HTR2C: variants seen among roughly 807,000 people sequenced by gnomAD.
HTR2C encodes the protein 5-hydroxytryptamine receptor 2C.
Under a neutral mutation model 21.0 loss-of-function variants are expected in HTR2C, and 5 were observed. That is an observed-to-expected ratio of 0.24 (90% CI 0.12 to 0.50). HTR2C has a LOEUF of 0.50. Ranked by LOEUF, HTR2C falls within the 20% of genes least tolerant of loss-of-function variation. HTR2C has a pLI of 0.98. For missense variants in HTR2C, 271 were observed against 371.2 expected, an observed-to-expected ratio of 0.73 and a Z score of 2.22; for synonymous variants, 150 against 145.3, an observed-to-expected ratio of 1.03 and a Z score of -0.23.
chrX:114,733,541 T>G (rs781789132), intron 4 of HTR2C, among the ~76,000 whole-genome samples: 3 of 107,681 alleles, frequency 2.8e-5, no homozygotes, highest in African/African-American at 1.0e-4. Context: ...AAAGCAGCCT[T>G]GGAAAATTAA....
intron 2 of HTR2C, among the ~76,000 whole-genome samples, chrX:114,619,683 G>T (rs1252800016): frequency 9.0e-6 from 1 of 110,623 alleles, no homozygotes. Context: ...TTTTTTCTGG[G>T]ATCAGGGAAG....
At chrX:114,806,080 T>TATATACACC (rs2070425145) in intron 4 of HTR2C, among the ~76,000 whole-genome samples, 2 of 101,095 alleles carry the variant, frequency 2.0e-5, no homozygotes, top group African/African-American at 3.6e-5. Context: ...ATATACACCA[T>TATATACACC]ATATATACCA....
At chrX:114,648,684 T>G (rs1266543805) in intron 2 of HTR2C, among the ~76,000 whole-genome samples, 2 of 111,786 alleles carry the variant, frequency 1.8e-5, no homozygotes, top group East Asian at 5.6e-4. Flanking sequence ...GCCATGATTG[T>G]GCCACTGCGC....
Position 114,663,208 on chromosome X carries a change from A to C in HTR2C, c.-80+49327A>C, listed in dbSNP as rs150580831. On this transcript the variant is annotated intron_variant, in intron 2 of 5. Coordinates refer to ENST00000276198, the MANE Select transcript of HTR2C (RefSeq NM_000868.4). ...AGTACCTAGAACTGTACTGATTCTT[A>C]ATCAGTAGTCAACAATTGCCTATAG... Among the ~76,000 whole-genome samples the C allele has an allele frequency of 3.5e-3, 391 of 110,394 alleles. 2 individuals are homozygous for C. The highest frequency in any genetic ancestry group is 0.012 in the African/African-American group (377 of 30,437).
intron 4 of HTR2C, among the ~76,000 whole-genome samples, chrX:114,819,032 T>C: frequency 8.9e-6 from 1 of 111,988 alleles, no homozygotes; most frequent in African/African-American, 3.2e-5. Context: ...GACCACATAA[T>C]ACTCCTCACT....
chrX:114,791,108 C>T (rs1161944955), intron 4 of HTR2C, among the ~76,000 whole-genome samples: 1 of 112,581 alleles, frequency 8.9e-6, no homozygotes, highest in African/African-American at 3.2e-5. Flanking sequence ...GGCTTTCTGA[C>T]CATGCCAATT....
At chrX:114,849,409 A>G (rs782660768) in intron 5 of HTR2C, among the ~76,000 whole-genome samples, 6 of 112,663 alleles carry the variant, frequency 5.3e-5, no homozygotes, top group African/African-American at 1.9e-4. Context: ...TAAGAAGCTA[A>G]TGAAATAGAA....
intron 4 of HTR2C, among the ~76,000 whole-genome samples, chrX:114,843,138 C>G (rs1453289083): frequency 9.0e-6 from 1 of 111,286 alleles, no homozygotes; most frequent in Non-Finnish European, 1.9e-5. Context: ...ATGAGGAAGC[C>G]CAAGCATTGG....
chrX:114,881,568 T>C (rs1161814584), intron 5 of HTR2C, among the ~76,000 whole-genome samples: 1 of 109,659 alleles, frequency 9.1e-6, no homozygotes, highest in Admixed American at 9.7e-5. Context: ...TGGTATTCAG[T>C]TATCCTAGCA....
At position 114,596,928 on chromosome X, in the gene HTR2C, A is replaced by AT. The variant is rs201897367; in HGVS notation, c.-147+12275dup. 9.0e-3 allele frequency among the ~76,000 whole-genome samples: 1,001 copies of AT among 111,181 alleles called. 13 individuals carry two copies. Among genetic ancestry groups the AT allele is most frequent in the African/African-American group, 0.03 (931 of 30,548 alleles). ...ACATCATCATCATCATTTAAGAAAT[A>AT]TTTTTTGTGTCGGCCATGGTGGCTC... is the stretch of plus-strand genomic sequence containing the variant. On this transcript the variant is annotated intron_variant, in intron 1 of 5. Transcript: ENST00000276198.
intron 5 of HTR2C, among the ~76,000 whole-genome samples, chrX:114,890,023 AG>A (rs1234683148): frequency 4.5e-5 from 5 of 111,762 alleles, no homozygotes; most frequent in Non-Finnish European, 9.4e-5. Flanking sequence ...TTTTATAGAG[AG>A]GCAAATTTTT....
intron 5 of HTR2C, among the ~76,000 whole-genome samples, chrX:114,862,798 T>C (rs937050984): frequency 1.8e-5 from 2 of 111,052 alleles, no homozygotes; most frequent in Non-Finnish European, 3.8e-5. Flanking sequence ...TTTTAAAATA[T>C]ACAATAGGTT....
At chrX:114,585,878 C>A (rs782430489) in intron 1 of HTR2C, among the ~76,000 whole-genome samples, 10 of 108,871 alleles carry the variant, frequency 9.2e-5, no homozygotes, top group South Asian at 8.3e-4. Context: ...GCAGGCTAAC[C>A]GAGGGACGCT....
intron 4 of HTR2C, among the ~76,000 whole-genome samples, chrX:114,777,589 G>T (rs1213977215): frequency 9.0e-6 from 1 of 111,298 alleles, no homozygotes; most frequent in African/African-American, 3.3e-5. Flanking sequence ...ACAGAGTTTT[G>T]CTCTGTCACC....
intron 5 of HTR2C, among the ~76,000 whole-genome samples, chrX:114,882,154 T>G (rs1452136435): frequency 9.0e-6 from 1 of 110,913 alleles, no homozygotes; most frequent in Non-Finnish European, 1.9e-5. Flanking sequence ...GGATTGTTCA[T>G]TGCAAGTGTA....
intron 5 of HTR2C, among the ~76,000 whole-genome samples, chrX:114,902,126 G>A (rs147033637): frequency 3.6e-5 from 4 of 111,925 alleles, no homozygotes; most frequent in East Asian, 5.6e-4. Flanking sequence ...CAAATAACAT[G>A]TGCCTTGCGG....
At chrX:114,839,039 A>G (rs1320425491) in intron 4 of HTR2C, among the ~76,000 whole-genome samples, 1 of 112,402 alleles carries the variant, frequency 8.9e-6, no homozygotes, top group Non-Finnish European at 1.9e-5. Flanking sequence ...TGAGGGAGTT[A>G]TAGGAAAATG....
At chrX:114,684,531 A>C (rs1569483820) in intron 2 of HTR2C, among the ~76,000 whole-genome samples, 2 of 111,722 alleles carry the variant, frequency 1.8e-5, no homozygotes, top group African/African-American at 6.5e-5. Flanking sequence ...ACAGCCTTAA[A>C]TTTTTTAGGT....
At chrX:114,613,117 T>G (rs1441039007) in intron 1 of HTR2C, among the ~76,000 whole-genome samples, 1 of 109,617 alleles carries the variant, frequency 9.1e-6, no homozygotes, top group East Asian at 2.9e-4. Context: ...TTTGTATTTT[T>G]TAGTAGAGAC....
Sources: allele counts gnomAD v4.1 joint callset (sites outside exome capture counted in the v4.1 genomes callset), GRCh38; gene constraint gnomAD v4.1.1; transcripts MANE v1.5; gene names NCBI Gene and HGNC (gene_info 2026-07-23, HGNC 2026-07-21).